ASB3: variants seen among roughly 807,000 people sequenced by gnomAD.
ASB3 encodes the protein ankyrin repeat and SOCS box protein 3.
A neutral mutation model predicts 54.5 loss-of-function variants in ASB3; 41 were observed. The ratio of observed to expected loss-of-function variants is 0.75; its 90% CI spans 0.59 to 0.98. ASB3 has a LOEUF of 0.98. Among genes scored for constraint, ASB3 ranks in the 50% least tolerant of loss-of-function variants. The pLI is 0.00. For synonymous variants in ASB3, 266 were observed against 221.2 expected (o/e 1.20, Z -1.80); for missense variants, 733 against 620.0 (o/e 1.18, Z -1.94).
At chr2:53,741,271 A>C (rs983780114) in intron 3 of ASB3, among the ~76,000 whole-genome samples, 1 of 152,234 alleles carries the variant, frequency 6.6e-6, no homozygotes, top group Admixed American at 6.5e-5. Flanking sequence ...TGAAGAGACA[A>C]TTGCATTAAC....
intron 1 of ASB3, chr2:53,767,600 C>A: frequency 2.7e-6 from 1 of 370,828 alleles, no homozygotes; most frequent in Non-Finnish European, 5.0e-6. Flanking sequence ...TGCACACGGG[C>A]ACTAAAGGTA....
intron 3 of ASB3, among the ~76,000 whole-genome samples, chr2:53,742,048 T>C (rs1671960668): frequency 1.3e-5 from 2 of 151,960 alleles, no homozygotes; most frequent in Admixed American, 1.3e-4. Flanking sequence ...CAGGAAAAAA[T>C]GCACAGGCTA....
chr2:53,772,086 G>A (rs1477444143), intron 1 of ASB3: 5 of 572,582 alleles, frequency 8.7e-6, no homozygotes, highest in Non-Finnish European at 1.2e-5. Context: ...GGTTTTTTTT[G>A]TGTTTGTGAA....
At chr2:53,700,745 G>T (rs978458501) in intron 7 of ASB3, among the ~76,000 whole-genome samples, 1 of 151,732 alleles carries the variant, frequency 6.6e-6, no homozygotes, top group African/African-American at 2.4e-5. Flanking sequence ...ACTGTGAACA[G>T]GTATTATTAT....
intron 1 of ASB3, chr2:53,767,476 G>C (rs1673544326): frequency 6.1e-6 from 1 of 163,758 alleles, no homozygotes. Flanking sequence ...TCCGTATCTG[G>C]ACACGAGTGA....
chr2:53,691,782 T>C (rs1189797364), intron 9 of ASB3, among the ~76,000 whole-genome samples: 5 of 152,132 alleles, frequency 3.3e-5, no homozygotes, highest in Admixed American at 1.3e-4. Flanking sequence ...CAACTAAGTT[T>C]TTCTCCCAGT....
intron 9 of ASB3, among the ~76,000 whole-genome samples, chr2:53,671,619 C>T (rs1477491599): frequency 2.0e-5 from 3 of 151,810 alleles, no homozygotes; most frequent in Admixed American, 6.6e-5. Flanking sequence ...ATTAGCTTGG[C>T]GTGGTGGCAC....
In ASB3 at chr2:53,757,198, G is replaced by A. The variant is rs151131807; in HGVS notation, c.197-6257C>T. ...TTCCTTAGAATTGGAGGAAAATACC[G>A]GGCACCTGTCAGCCAGTTAAAAATA... is the stretch of plus-strand genomic sequence containing the variant. On this transcript the variant is annotated intron_variant, in intron 2 of 9. Coordinates refer to ENST00000263634, the MANE Select transcript of ASB3 (RefSeq NM_016115.5). Among the ~76,000 whole-genome samples, 903 of 152,308 alleles carry A rather than the reference G, an allele frequency of 5.9e-3. 8 individuals carry two copies. The highest frequency in any genetic ancestry group is 0.027 in the South Asian group (129 of 4,822).
chr2:53,672,235 C>A (rs1276369888), intron 9 of ASB3, among the ~76,000 whole-genome samples: 1 of 152,158 alleles, frequency 6.6e-6, no homozygotes, highest in Non-Finnish European at 1.5e-5. Context: ...TGGGCATTTT[C>A]TTAAATCATG....
chr2:53,770,498 TAAAA>T (rs76201682), intron 1 of ASB3, among the ~76,000 whole-genome samples: 7,111 of 110,524 alleles, frequency 0.064, 342 homozygotes, highest in East Asian at 0.29. Flanking sequence ...GAAGTTTATT[TAAAA>T]AAAAAAAAAA....
At chr2:53,729,961 G>C (rs6717642) in intron 3 of ASB3, among the ~76,000 whole-genome samples, 25,581 of 152,030 alleles carry the variant, frequency 0.17, 2,335 homozygotes, top group African/African-American at 0.25. Context: ...TACTACATTT[G>C]ATCACAAATA....
chr2:53,767,130 C>G (rs1673517650), intron 1 of ASB3: 1 of 152,156 alleles, frequency 6.6e-6, no homozygotes. Flanking sequence ...GGTTCCCCAG[C>G]TCGTTTCCAA....
intron 5 of ASB3, among the ~76,000 whole-genome samples, chr2:53,718,393 A>G (rs964136792): frequency 6.6e-6 from 1 of 152,222 alleles, no homozygotes; most frequent in African/African-American, 2.4e-5. Flanking sequence ...CACTACAACC[A>G]AGAATTTCAT....
chr2:53,691,322 A>T (rs1441260393), intron 9 of ASB3, among the ~76,000 whole-genome samples: 1 of 152,192 alleles, frequency 6.6e-6, no homozygotes, highest in Non-Finnish European at 1.5e-5. Flanking sequence ...AAAGGGCTCA[A>T]ATAAAAAATG....
intron 1 of ASB3, among the ~76,000 whole-genome samples, chr2:53,772,479 A>AT (rs1297611186): frequency 6.6e-6 from 1 of 151,770 alleles, no homozygotes; most frequent in Non-Finnish European, 1.5e-5. Context: ...CAGCCGTGGG[A>AT]TTTTTTTAAA....
At chr2:53,703,025 A>C (rs1469699365) in intron 7 of ASB3, among the ~76,000 whole-genome samples, 2 of 152,224 alleles carry the variant, frequency 1.3e-5, no homozygotes, top group African/African-American at 2.4e-5. Flanking sequence ...TAATTCTATG[A>C]AACTAATGTA....
At chr2:53,671,290 A>G (rs1236538705) in intron 9 of ASB3, among the ~76,000 whole-genome samples, 2 of 152,056 alleles carry the variant, frequency 1.3e-5, no homozygotes, top group African/African-American at 4.8e-5. Context: ...ACAACTTTCC[A>G]AAGTCACAGA....
At position 53,729,874 on chromosome 2, in the gene ASB3, G is replaced by A. The variant is rs187941863; in HGVS notation, c.356-304C>T. On this transcript the variant is annotated intron_variant, in intron 3 of 9. Transcript: ENST00000263634. The stretch of plus-strand genomic sequence containing the variant: ...CTAGTTTGTTAAAATGAAACTGGGA[G>A]GATATAAGGTGGACAATTCAGAATC... 2.6e-3 allele frequency among the ~76,000 whole-genome samples: 396 copies of A among 152,272 alleles called. 1 individual carries two copies. The highest frequency in any genetic ancestry group is 6.8e-3 in the Middle Eastern group (2 of 294).
chr2:53,682,216 T>C (rs1668413514), intron 9 of ASB3, among the ~76,000 whole-genome samples: 1 of 151,994 alleles, frequency 6.6e-6, no homozygotes, highest in African/African-American at 2.4e-5. Context: ...AGAATGTCAT[T>C]GGTATTTTGA....
Sources: allele counts gnomAD v4.1 joint callset (sites outside exome capture counted in the v4.1 genomes callset), GRCh38; gene constraint gnomAD v4.1.1; transcripts MANE v1.5; gene names NCBI Gene and HGNC (gene_info 2026-07-23, HGNC 2026-07-21).